The following PPIF variants were observed in gnomAD, a reference collection of about 807,000 sequenced individuals.
The protein encoded by PPIF is peptidyl-prolyl cis-trans isomerase F, mitochondrial.
PPIF carries 23 observed loss-of-function variants against 20.2 expected under a neutral mutation model. The ratio of observed to expected loss-of-function variants is 1.14; its 90% confidence interval spans 0.82 to 1.61. The LOEUF (loss-of-function observed/expected upper bound fraction) is 1.61. PPIF is among the 40% of genes most tolerant of loss of function. The probability of loss-of-function intolerance (pLI) is 0.00; values close to 1 mark genes in which losing one functional copy is unlikely to be tolerated. For synonymous variants in PPIF, 113 were observed against 123.1 expected, an observed-to-expected ratio of 0.92 and a Z score of 0.54; for missense variants, 287 against 291.6, an observed-to-expected ratio of 0.98 and a Z score of 0.11.
At chr10:79,348,398 T>A (rs1368771276) in intron 1 of PPIF, among the ~76,000 whole-genome samples, 2 of 152,208 alleles carry the variant, frequency 1.3e-5, no homozygotes, top group Non-Finnish European at 2.9e-5. Context: ...AACTCTGTTT[T>A]TGGGTCTTTT....
intron 3 of PPIF, 71 bp downstream of exon 3, chr10:79,349,824 G>T: frequency 6.2e-7 from 1 of 1,603,278 alleles, no homozygotes. Flanking sequence ...GAAGATGCCT[G>T]GTATGAGGAA....
Position 79,347,519 on chromosome 10 carries a change from C to CGCCCGTGTCCCGCCCG in PPIF, c.-29_-14dup. ...GTCAGTTTGAGTTCTGTGTTCTCCC[C>CGCCCGTGTCCCGCCCG]GCCCGTGTCCCGCCCGACCCGCGCC... On this transcript the variant is annotated 5_prime_UTR_variant, in exon 1 of 6. Transcript: ENST00000225174. 1 of 1,287,466 alleles carries CGCCCGTGTCCCGCCCG rather than the reference C, an allele frequency of 7.8e-7. No homozygotes were observed. 79.8% of individuals were successfully genotyped at this position (1,287,466 alleles called of 1,614,324 possible).
chr10:79,353,591 T>A, intron 5 of PPIF, 116 bp from the exon 6 acceptor site: 1 of 1,567,718 alleles, frequency 6.4e-7, no homozygotes, highest in African/African-American at 1.3e-5. Flanking sequence ...ATCTAGCTAT[T>A]CCATGGGGAT....
chr10:79,351,929 A>G (rs1437224282), intron 4 of PPIF, among the ~76,000 whole-genome samples: 1 of 152,234 alleles, frequency 6.6e-6, no homozygotes, highest in African/African-American at 2.4e-5. Context: ...TTTGAGGATT[A>G]TTTAAAATCT....
chr10:79,349,784 A>T (rs74564769), intron 3 of PPIF, 31 bp downstream of exon 3: 1 of 1,613,106 alleles, frequency 6.2e-7, no homozygotes, highest in African/African-American at 1.3e-5. Flanking sequence ...GTAAGGGGGG[A>T]TGAGAGCAGG....
chr10:79,353,616 C>T (rs1186622759), intron 5 of PPIF, 91 bp from the exon 6 acceptor site: 2 of 1,602,096 alleles, frequency 1.2e-6, no homozygotes, highest in Non-Finnish European at 1.7e-6. Flanking sequence ...TTCAGAATTG[C>T]TGTTTTCGGT....
At position 79,351,438 on chromosome 10, in the gene PPIF, C is replaced by A. The variant is rs755109323; in HGVS notation, c.316-49C>A. ...GCTGCTGCCAGCGCCAGGGCCGTGG[C>A]CCCCGCCTGCTCCATGGTAGCCACT... On this transcript the variant is annotated intron_variant, in intron 3 of 5. Transcript: ENST00000225174. The A allele has an allele frequency of 8.8e-6, 14 of 1,590,192 alleles. No individual in the cohort carries two copies. In the African/African-American group the frequency reaches 1.6e-4, roughly 18 times the overall value.
chr10:79,347,606 G>T lies in PPIF; in HGVS notation c.58G>T (p.Val20Leu). 7.0e-7 allele frequency: 1 copy of T among 1,434,782 alleles called. No homozygotes were observed. Among genetic ancestry groups the T allele is most frequent in the Non-Finnish European group, 9.2e-7 (1 of 1,091,058 alleles). The allele number at this position is 1,434,782 out of a possible 1,614,324, so 88.9% of individuals were successfully genotyped here. The change falls in exon 1 of 6, where the codon GTG becomes TTG. Residue 20 changes from valine (V) to leucine (L), a missense_variant. Transcript: ENST00000225174. ...CGGCCTGCTCTCCGTCCCGCGCTCC[G>T]TGCCGCTGCGCCTCCCCGCGGCCCG... ...WLGLLSVPRSVPLRLPAARAC... is the reference protein window; with the variant it reads ...WLGLLSVPRSLPLRLPAARAC...
chr10:79,347,506 T>G lies in PPIF; in HGVS notation c.-43T>G. On this transcript the variant is annotated 5_prime_UTR_variant, in exon 1 of 6. Transcript: ENST00000225174. ...GGGCGCGCGCGACGTCAGTTTGAGT[T>G]CTGTGTTCTCCCCGCCCGTGTCCCG... 7.8e-7 allele frequency: 1 copy of G among 1,274,530 alleles called. No homozygotes were observed. The highest frequency in any genetic ancestry group is 1.6e-5 in the African/African-American group (1 of 64,238). The allele number at this position is 1,274,530 out of a possible 1,614,324, so 79.0% of individuals were successfully genotyped here.
intron 5 of PPIF, 103 bp downstream of exon 5, chr10:79,352,495 C>T: frequency 8.2e-7 from 1 of 1,216,598 alleles, no homozygotes; most frequent in African/African-American, 1.5e-5. Flanking sequence ...AGGCCTTCTG[C>T]TCTGGGACAG....
chr10:79,352,175 G>A (rs770476714), intron 4 of PPIF, 142 bp from the exon 5 acceptor site: 27 of 702,730 alleles, frequency 3.8e-5, no homozygotes, highest in Non-Finnish European at 5.5e-5. Context: ...GGCTGGTATC[G>A]GGCCCTGGTT....
chr10:79,349,462 AC>A (rs1379123494), intron 2 of PPIF, among the ~76,000 whole-genome samples: 10 of 152,212 alleles, frequency 6.6e-5, no homozygotes, highest in Admixed American at 6.5e-4. Context: ...TACTCTTGTC[AC>A]AGTGCTCAGG....
chr10:79,351,453 T>G, intron 3 of PPIF, 34 bp from the exon 4 acceptor site: 1 of 1,607,802 alleles, frequency 6.2e-7, no homozygotes, highest in Non-Finnish European at 8.5e-7. Flanking sequence ...GCCTGCTCCA[T>G]GGTAGCCACT....
intron 3 of PPIF, 103 bp downstream of exon 3, chr10:79,349,856 A>G (rs1855957046): frequency 1.9e-6 from 3 of 1,553,064 alleles, no homozygotes; most frequent in Non-Finnish European, 2.6e-6. Context: ...GAGCAGCTGC[A>G]GTTGCTCTGT....
In PPIF at chr10:79,352,331, G is replaced by A; in HGVS notation, c.427G>A (p.Ala143Thr). Reference sequence around the variant, plus strand: ...GGTTTTTGCAGGTGTCCTGTCCATGGCTAATGCTGGTCCTAACACCAACGG... The same window carrying A: ...GGTTTTTGCAGGTGTCCTGTCCATGACTAATGCTGGTCCTAACACCAACGG... ...KHVGPGVLSM[A>T]NAGPNTNGSQ... Residue 143 changes from alanine (A) to threonine (T), a missense_variant, in exon 5 of 6, where the codon GCT (alanine) becomes ACT (threonine). Ala to Thr is a moderately conservative substitution (Grantham distance 58, BLOSUM62 0). Transcript: ENST00000225174. 6.2e-7 allele frequency: 1 copy of A among 1,614,140 alleles called. No homozygotes were observed. The highest frequency in any genetic ancestry group is 8.5e-7 in the Non-Finnish European group (1 of 1,179,982).
At chr10:79,350,185 G>T (rs556532635) in intron 3 of PPIF, 4 of 177,580 alleles carry the variant, frequency 2.3e-5, no homozygotes, top group African/African-American at 4.7e-5. Context: ...GAACACACAC[G>T]CCAGGACTTG....
chr10:79,349,942 C>T, intron 3 of PPIF, 189 bp downstream of exon 3: 1 of 1,293,278 alleles, frequency 7.7e-7, no homozygotes, highest in Non-Finnish European at 1.0e-6. Context: ...CAACCCGCTG[C>T]CACTCCAGGT....
rs1307658685 is a variant in PPIF at position 79,347,547 on chromosome 10, C to T, written c.-2C>T. 4 of 1,303,246 alleles carry T rather than the reference C, an allele frequency of 3.1e-6. No homozygotes were observed. Among genetic ancestry groups the T allele is most frequent in the Admixed American group, 4.1e-5 (1 of 24,138 alleles). The allele number at this position is 1,303,246 out of a possible 1,614,324, so 80.7% of individuals were successfully genotyped here. A position where few individuals can be genotyped will look rare whatever the true frequency, so the allele number is the denominator to read the frequency against. ...CCGTGTCCCGCCCGACCCGCGCCCG[C>T]GATGCTGGCGCTGCGCTGCGGCTCC... On this transcript the variant is annotated 5_prime_UTR_variant, in exon 1 of 6. Coordinates refer to ENST00000225174, the MANE Select transcript of PPIF (RefSeq NM_005729.4).
chr10:79,353,568 G>A (rs1245335825), intron 5 of PPIF, 139 bp from the exon 6 acceptor site: 2 of 1,483,344 alleles, frequency 1.3e-6, no homozygotes, highest in Admixed American at 1.8e-5. Flanking sequence ...GCTTGATCGA[G>A]CTTTGGGGGT....
Sources: allele counts gnomAD v4.1 joint callset (sites outside exome capture counted in the v4.1 genomes callset), GRCh38; gene constraint gnomAD v4.1.1; transcripts MANE v1.5; gene names NCBI Gene and HGNC (gene_info 2026-07-23, HGNC 2026-07-21).